The following ZBTB41 variants were observed in gnomAD, a reference collection of about 807,000 sequenced individuals.
ZBTB41 encodes the protein zinc finger and BTB domain containing 41, also known as zinc finger and BTB domain-containing protein 41.
ZBTB41 carries 42 observed loss-of-function variants against 87.6 expected under a neutral mutation model. The ratio of observed to expected loss-of-function variants is 0.48; its 90% CI spans 0.37 to 0.62. The LOEUF (loss-of-function observed/expected upper bound fraction) is 0.62. ZBTB41 is among the 20% of genes least tolerant of loss of function. The pLI is 0.00. For missense variants in ZBTB41, 799 were observed against 1,078.9 expected (o/e 0.74, Z 3.63); for synonymous variants, 364 against 364.0 (o/e 1.00, Z 0.00).
chr1:197,177,159 T>C (rs1001194977), intron 7 of ZBTB41, among the ~76,000 whole-genome samples: 3 of 152,138 alleles, frequency 2.0e-5, no homozygotes, highest in African/African-American at 4.8e-5. Flanking sequence ...TCTCAAATTG[T>C]AATCCCCACA....
Position 197,199,306 on chromosome 1 carries a change from C to A in ZBTB41, c.1120+48G>T. ...TTTTATTTATCACCTTTAAAATATC[C>A]AAGAAAAGTAAGTGATTAGAGATAG... On this transcript the variant is annotated intron_variant, in intron 2 of 10. Coordinates refer to ENST00000367405, the MANE Select transcript of ZBTB41 (RefSeq NM_194314.3). 3 of 1,440,510 alleles carry A rather than the reference C, an allele frequency of 2.1e-6. No individual in the cohort carries two copies. In the South Asian group the frequency reaches 5.2e-5, roughly 25 times the overall value. 89.2% of individuals were successfully genotyped at this position (1,440,510 alleles called of 1,614,324 possible).
intron 10 of ZBTB41, among the ~76,000 whole-genome samples, chr1:197,171,442 G>A (rs369755179): frequency 3.3e-5 from 5 of 151,826 alleles, no homozygotes; most frequent in East Asian, 1.9e-4. Context: ...GACAAAATCC[G>A]AATTGAATAT....
At chr1:197,165,423 C>T (rs1051389615) in intron 10 of ZBTB41, among the ~76,000 whole-genome samples, 45 of 151,862 alleles carry the variant, frequency 3.0e-4, no homozygotes, top group Non-Finnish European at 5.3e-4. Flanking sequence ...TCCTGGCTAA[C>T]ACGGTGAAAC....
chr1:197,186,564 G>T (rs1216342170), intron 5 of ZBTB41, among the ~76,000 whole-genome samples: 2 of 152,078 alleles, frequency 1.3e-5, no homozygotes, highest in African/African-American at 2.4e-5. Context: ...TAAGCAACTT[G>T]ATTAAAAAAT....
chr1:197,181,432 C>T (rs990316738), intron 5 of ZBTB41, among the ~76,000 whole-genome samples: 2 of 151,890 alleles, frequency 1.3e-5, no homozygotes, highest in African/African-American at 4.8e-5. Context: ...TTTGGGAAAG[C>T]GGGTAATAAA....
At chr1:197,190,434 C>T (rs1379488823) in intron 4 of ZBTB41, among the ~76,000 whole-genome samples, 1 of 152,178 alleles carries the variant, frequency 6.6e-6, no homozygotes, top group Non-Finnish European at 1.5e-5. Flanking sequence ...TATGTTAACA[C>T]CACATACCCA....
intron 5 of ZBTB41, among the ~76,000 whole-genome samples, chr1:197,181,906 T>C (rs948529915): frequency 6.6e-6 from 1 of 152,202 alleles, no homozygotes; most frequent in South Asian, 2.1e-4. Context: ...ATGTACATTG[T>C]ATTAAGTATC....
intron 10 of ZBTB41, among the ~76,000 whole-genome samples, chr1:197,171,353 A>G (rs1374796913): frequency 2.6e-5 from 4 of 152,080 alleles, no homozygotes; most frequent in African/African-American, 9.7e-5. Flanking sequence ...CTATTTGCTA[A>G]TAATATTGCC....
intron 10 of ZBTB41, among the ~76,000 whole-genome samples, chr1:197,165,213 A>C (rs535651432): frequency 1.2e-3 from 182 of 151,798 alleles, no homozygotes; most frequent in Non-Finnish European, 2.2e-3. Context: ...CATATTTAGG[A>C]ATTGGGTAAT....
intron 5 of ZBTB41, among the ~76,000 whole-genome samples, chr1:197,182,234 G>A (rs984437237): frequency 1.3e-5 from 2 of 152,082 alleles, no homozygotes; most frequent in Non-Finnish European, 2.9e-5. Context: ...TATAAAATAT[G>A]ACTATCTGTA....
At chr1:197,168,730 G>C (rs1659407510) in intron 10 of ZBTB41, among the ~76,000 whole-genome samples, 1 of 151,780 alleles carries the variant, frequency 6.6e-6, no homozygotes, top group Non-Finnish European at 1.5e-5. Context: ...GGACACAAAA[G>C]AACTATAAAG....
At chr1:197,196,514 C>A (rs1404836313) in intron 2 of ZBTB41, among the ~76,000 whole-genome samples, 1 of 152,140 alleles carries the variant, frequency 6.6e-6, no homozygotes, top group African/African-American at 2.4e-5. Flanking sequence ...CTCCCTGGCT[C>A]TTTTTTCATC....
chr1:197,179,323 G>A (rs1237371360), intron 6 of ZBTB41, among the ~76,000 whole-genome samples: 1 of 151,976 alleles, frequency 6.6e-6, no homozygotes, highest in Admixed American at 6.6e-5. Context: ...ATAACCTAGT[G>A]GCATCATAGC....
At position 197,154,279 on chromosome 1, in the gene ZBTB41, G is replaced by C. The variant is rs915214251; in HGVS notation, c.*5080C>G. 2.0e-5 allele frequency: 3 copies of C among 152,358 alleles called. No individual in the cohort carries two copies. Among genetic ancestry groups the C allele is most frequent in the Non-Finnish European group, 4.4e-5 (3 of 67,920 alleles). 9.4% of individuals were successfully genotyped at this position (152,358 alleles called of 1,614,324 possible). A position where few individuals can be genotyped will look rare whatever the true frequency, so the allele number is the denominator to read the frequency against. On this transcript the variant is annotated 3_prime_UTR_variant, in exon 11 of 11. Transcript: ENST00000367405. ...AATCTCCAACAGCAATGCAAGCATTGATTACTTTTCTTTACCTAAGAATTT... is the reference window on the plus strand; with the variant it reads ...AATCTCCAACAGCAATGCAAGCATTCATTACTTTTCTTTACCTAAGAATTT...
intron 10 of ZBTB41, among the ~76,000 whole-genome samples, chr1:197,160,883 A>G (rs1021251316): frequency 6.6e-5 from 10 of 152,164 alleles, no homozygotes; most frequent in African/African-American, 2.4e-4. Flanking sequence ...CTGAGGAAGA[A>G]TGGGTCAGAC....
chr1:197,195,080 A>G (rs2125141276), intron 2 of ZBTB41, among the ~76,000 whole-genome samples: 1 of 152,314 alleles, frequency 6.6e-6, no homozygotes, highest in South Asian at 2.1e-4. Context: ...ACTTTCATGG[A>G]GTGGGGCATT....
intron 5 of ZBTB41, 45 bp downstream of exon 5, chr1:197,188,247 A>C: frequency 6.2e-7 from 1 of 1,600,218 alleles, no homozygotes; most frequent in Non-Finnish European, 8.5e-7. Context: ...ATGATGTGAT[A>C]ATTAAAATTG....
At chr1:197,190,890 C>T in intron 3 of ZBTB41, 59 bp from the exon 4 acceptor site, 8 of 1,130,076 alleles carry the variant, frequency 7.1e-6, no homozygotes, top group East Asian at 5.2e-5. Flanking sequence ...AATCAATATT[C>T]CATGTGAATA....
intron 9 of ZBTB41, among the ~76,000 whole-genome samples, chr1:197,173,419 G>C (rs571137239): frequency 6.6e-6 from 1 of 151,954 alleles, no homozygotes; most frequent in Non-Finnish European, 1.5e-5. Flanking sequence ...TTTAATTTTT[G>C]TTAGAGACAG....
Sources: gnomAD v4.1 joint callset for allele counts (sites outside exome capture counted in the v4.1 genomes callset) on GRCh38, gnomAD v4.1.1 for gene constraint, MANE v1.5 for transcripts, NCBI Gene and HGNC (gene_info 2026-07-23, HGNC 2026-07-21) for gene names.